The following RAB11FIP4 variants were observed in gnomAD, a reference collection of about 807,000 sequenced individuals.
RAB11FIP4 encodes the protein RAB11 family interacting protein 4.
In RAB11FIP4, 23 loss-of-function variants were observed where a neutral mutation model predicts 74.3. The observed-to-expected ratio is 0.31, with a 90% CI of 0.22 to 0.44. The LOEUF is 0.44. RAB11FIP4 is among the 20% of genes least tolerant of loss of function. The probability of loss-of-function intolerance (pLI) is 1.00; values close to 1 mark genes in which losing one functional copy is unlikely to be tolerated. For missense variants in RAB11FIP4, 630 were observed against 863.9 expected (o/e 0.73, Z 3.39); for synonymous variants, 360 against 359.9 (o/e 1.00, Z 0.00).
intron 8 of RAB11FIP4, 78 bp downstream of exon 8, chr17:31,523,689 C>T: frequency 7.1e-7 from 1 of 1,414,478 alleles, no homozygotes; most frequent in Non-Finnish European, 1.0e-6. Context: ...AGGCTACTGT[C>T]TGGGGACTTG....
chr17:31,530,460 G>T lies in RAB11FIP4; in HGVS notation c.1788G>T (p.Ser596=), dbSNP rs747610392. Residue 596 remains serine (S), a synonymous_variant, in exon 14 of 15, where the codon TCG becomes TCT. Transcript: ENST00000621161. ...TGGCTGCGGAGATAGACACCGCCTC[G>T]CGCGATGAGGTAACCACACCACCGG... The part of the protein sequence containing the change: ...QSLAAEIDTA[S]RDELMEALKE... 3 of 1,613,390 alleles carry T rather than the reference G, an allele frequency of 1.9e-6. No homozygotes were observed. The highest frequency in any genetic ancestry group is 2.5e-6 in the Non-Finnish European group (3 of 1,179,582).
At chr17:31,409,718 C>T (rs1567646074) in intron 1 of RAB11FIP4, among the ~76,000 whole-genome samples, 1 of 152,188 alleles carries the variant, frequency 6.6e-6, no homozygotes, top group East Asian at 1.9e-4. Flanking sequence ...CTGCCTCCAA[C>T]ACAGGGTGTT....
Position 31,491,473 on chromosome 17 carries a change from G to C in RAB11FIP4, c.337-26178G>C, listed in dbSNP as rs2072007325. 2.0e-5 allele frequency among the ~76,000 whole-genome samples: 3 copies of C among 152,218 alleles called. No homozygotes were observed. The South Asian group carries it at 6.2e-4, about 32-fold the overall frequency. ...AGGAGGAAGAGCAGGGAAGGGGAGGGAGTGCTGGGTTTCAGAGTCAGACAG... is the reference window on the plus strand; with the variant it reads ...AGGAGGAAGAGCAGGGAAGGGGAGGCAGTGCTGGGTTTCAGAGTCAGACAG... On this transcript the variant is annotated intron_variant, in intron 3 of 14. Coordinates refer to ENST00000621161, the MANE Select transcript of RAB11FIP4 (RefSeq NM_032932.6).
At chr17:31,476,005 G>A (rs2071788448) in intron 3 of RAB11FIP4, among the ~76,000 whole-genome samples, 2 of 151,932 alleles carry the variant, frequency 1.3e-5, no homozygotes, top group African/African-American at 4.8e-5. Context: ...ACAGAGACAT[G>A]CTTAAAACAA....
intron 3 of RAB11FIP4, among the ~76,000 whole-genome samples, chr17:31,446,777 CA>C (rs1482939675): frequency 1.3e-5 from 2 of 152,168 alleles, no homozygotes; most frequent in Non-Finnish European, 2.9e-5. Flanking sequence ...GCTGGGACAC[CA>C]GGGGGCATCT....
chr17:31,486,607 G>A (rs2071905259), intron 3 of RAB11FIP4, among the ~76,000 whole-genome samples: 1 of 152,210 alleles, frequency 6.6e-6, no homozygotes, highest in South Asian at 2.1e-4. Context: ...ATACACCACA[G>A]TGCTCCTGTG....
At chr17:31,452,474 G>A (rs1261241532) in intron 3 of RAB11FIP4, among the ~76,000 whole-genome samples, 3 of 152,172 alleles carry the variant, frequency 2.0e-5, no homozygotes, top group East Asian at 1.9e-4. Flanking sequence ...TTTCCTGTGC[G>A]TGTCAATCAC....
chr17:31,435,142 T>C lies in RAB11FIP4; in HGVS notation c.336+1020T>C, dbSNP rs187075270. Among the ~76,000 whole-genome samples the C allele has an allele frequency of 2.1e-3, 319 of 152,316 alleles. 1 individual carries two copies. The highest frequency in any genetic ancestry group is 7.0e-3 in the African/African-American group (290 of 41,576). ...TTGAGACTTCAGTGAGCTGTGATTG[T>C]GCTACTGCACTCCAGCCAGCCTGGG... On this transcript the variant is annotated intron_variant, in intron 3 of 14. Transcript: ENST00000621161.
At chr17:31,415,688 G>C (rs577751318) in intron 1 of RAB11FIP4, among the ~76,000 whole-genome samples, 2 of 152,126 alleles carry the variant, frequency 1.3e-5, no homozygotes, top group Non-Finnish European at 2.9e-5. Context: ...GGAGCTCAGC[G>C]AGACCACTCA....
chr17:31,520,400 G>GT (rs1393379878), intron 4 of RAB11FIP4, among the ~76,000 whole-genome samples: 13 of 151,042 alleles, frequency 8.6e-5, no homozygotes, highest in East Asian at 7.7e-4. Flanking sequence ...TACTCCGAAT[G>GT]TTTTTTTTTC....
At chr17:31,506,513 C>T (rs1436039920) in intron 3 of RAB11FIP4, among the ~76,000 whole-genome samples, 1 of 152,196 alleles carries the variant, frequency 6.6e-6, no homozygotes, top group Non-Finnish European at 1.5e-5. Context: ...TAGCTTCGTG[C>T]CTGTTGACCA....
At chr17:31,480,345 G>A (rs551677025) in intron 3 of RAB11FIP4, among the ~76,000 whole-genome samples, 8 of 152,218 alleles carry the variant, frequency 5.3e-5, no homozygotes, top group South Asian at 2.1e-4. Context: ...ATGAGAAAGA[G>A]GCAAGCAGGG....
chr17:31,473,342 C>A (rs935194756), intron 3 of RAB11FIP4, among the ~76,000 whole-genome samples: 1 of 150,644 alleles, frequency 6.6e-6, no homozygotes, highest in East Asian at 2.0e-4. Flanking sequence ...GAGTTCAAGA[C>A]CAGCCTGGAC....
intron 3 of RAB11FIP4, among the ~76,000 whole-genome samples, chr17:31,453,355 C>CAAAAAAAAAAAAAA (rs747844559): frequency 7.0e-5 from 5 of 71,816 alleles, no homozygotes; most frequent in African/African-American, 2.9e-4. Context: ...GACCCTACCT[C>CAAAAAAAAAAAAAA]AAAAAAAAAA....
At chr17:31,442,192 G>A (rs1452736686) in intron 3 of RAB11FIP4, among the ~76,000 whole-genome samples, 4 of 151,912 alleles carry the variant, frequency 2.6e-5, no homozygotes, top group African/African-American at 9.7e-5. Flanking sequence ...GTAGAGACAG[G>A]GTTTCACTCT....
chr17:31,493,237 T>C (rs2072045906), intron 3 of RAB11FIP4, among the ~76,000 whole-genome samples: 1 of 152,312 alleles, frequency 6.6e-6, no homozygotes, highest in African/African-American at 2.4e-5. Context: ...ATGTAAACAT[T>C]AATTCAGATG....
chr17:31,428,277 G>A (rs146333814), intron 1 of RAB11FIP4, among the ~76,000 whole-genome samples: 2 of 152,358 alleles, frequency 1.3e-5, no homozygotes, highest in East Asian at 3.9e-4. Flanking sequence ...CACGCTGTGG[G>A]CATGCAAGAA....
At chr17:31,501,431 G>T (rs11867525) in intron 3 of RAB11FIP4, among the ~76,000 whole-genome samples, 7,638 of 152,220 alleles carry the variant, frequency 0.05, 629 homozygotes, top group African/African-American at 0.17. Context: ...TTAGCCTACA[G>T]TTGGGCAAAA....
intron 1 of RAB11FIP4, among the ~76,000 whole-genome samples, chr17:31,423,260 T>C (rs1005012959): frequency 2.0e-5 from 3 of 152,252 alleles, no homozygotes. Context: ...GCTTTTCCTG[T>C]TTCTTTGTAT....
Sources: allele counts gnomAD v4.1 joint callset (sites outside exome capture counted in the v4.1 genomes callset), GRCh38; gene constraint gnomAD v4.1.1; transcripts MANE v1.5; gene names NCBI Gene and HGNC (gene_info 2026-07-23, HGNC 2026-07-21).